The following TMEM9 variants were observed in gnomAD, a reference collection of about 807,000 sequenced individuals.
TMEM9 encodes transmembrane protein 9.
TMEM9 carries 13 observed loss-of-function variants against 22.8 expected under a neutral mutation model. That is an observed-to-expected ratio of 0.57 (90% confidence interval 0.37 to 0.91). The LOEUF is 0.91. Among genes scored for constraint, TMEM9 ranks in the 40% least tolerant of loss-of-function variants. The pLI is 0.01. For missense variants in TMEM9, 182 were observed against 238.1 expected, an observed-to-expected ratio of 0.76 and a Z score of 1.55; for synonymous variants, 88 against 93.0, an observed-to-expected ratio of 0.95 and a Z score of 0.31.
Position 201,143,668 on chromosome 1 carries a change from C to T in TMEM9, c.399+152G>A, listed in dbSNP as rs1048382891. The T allele has an allele frequency of 1.9e-5, 13 of 677,154 alleles. No individual in the cohort carries two copies. The East Asian group carries it at 3.1e-4, about 16-fold the overall frequency. 41.9% of individuals were successfully genotyped at this position (677,154 alleles called of 1,614,324 possible). ...TGGAAGGGCAAAGAGCAGGTCCCTGCTGAGTCTGGGTGATGTGTACGACAC... is the reference window on the plus strand; with the variant it reads ...TGGAAGGGCAAAGAGCAGGTCCCTGTTGAGTCTGGGTGATGTGTACGACAC... On this transcript the variant is annotated intron_variant, in intron 4 of 4. Coordinates refer to ENST00000367330, the MANE Select transcript of TMEM9 (RefSeq NM_001288565.2).
At position 201,170,043 on chromosome 1, in the gene TMEM9, G is replaced by T. The variant is rs148897308; in HGVS notation, c.-37+1447C>A. On this transcript the variant is annotated intron_variant, in intron 1 of 5. Coordinates refer to the TMEM9 transcript ENST00000367333. ...TTTAAGGAAAAAAAAAGAGTTTGTTGGAAAGAAGTGGGAAATTCATATAAT... is the reference window on the plus strand; with the variant it reads ...TTTAAGGAAAAAAAAAGAGTTTGTTTGAAAGAAGTGGGAAATTCATATAAT... 8.4e-4 allele frequency among the ~76,000 whole-genome samples: 128 copies of T among 152,274 alleles called. 2 individuals are homozygous for T. In the East Asian group the frequency reaches 0.018, roughly 21 times the overall value.
intron 1 of TMEM9, among the ~76,000 whole-genome samples, chr1:201,153,247 T>C (rs1252445921): frequency 2.0e-5 from 3 of 152,242 alleles, no homozygotes; most frequent in Non-Finnish European, 4.4e-5. Flanking sequence ...TAAGAAAATA[T>C]TTATCGGTAG....
Position 201,146,785 on chromosome 1 carries a change from C to T in TMEM9, c.222G>A (p.Leu74=). ...VPGHDVEAYC[L]LCECRYEERS... ...GCTCCTCGTACCTGCACTCGCACAG[C>T]AGGCAGTAGGCCTCCACGTCATGGC... Residue 74 remains leucine, a synonymous_variant, in exon 3 of 5, where the codon CTG becomes CTA. Transcript: ENST00000367330. The T allele has an allele frequency of 6.2e-7, 1 of 1,614,256 alleles. No individual in the cohort carries two copies. The highest frequency in any genetic ancestry group is 2.2e-5 in the East Asian group (1 of 44,890).
At chr1:201,147,345 C>A (rs1665060698) in intron 2 of TMEM9, among the ~76,000 whole-genome samples, 1 of 152,214 alleles carries the variant, frequency 6.6e-6, no homozygotes, top group Non-Finnish European at 1.5e-5. Flanking sequence ...TGCAAACTGG[C>A]TCCCCATTTG....
chr1:201,165,990 C>T (rs1242623983), intron 1 of TMEM9, among the ~76,000 whole-genome samples: 3 of 152,140 alleles, frequency 2.0e-5, no homozygotes, highest in Admixed American at 6.5e-5. Flanking sequence ...AATCTTTCTG[C>T]GACCGACTTA....
At chr1:201,136,845 C>T (rs1005772417) in intron 4 of TMEM9, among the ~76,000 whole-genome samples, 1 of 152,158 alleles carries the variant, frequency 6.6e-6, no homozygotes, top group African/African-American at 2.4e-5. Context: ...GATTAGTGCA[C>T]TTCTCTAAGC....
chr1:201,135,843 T>C (rs753805993), intron 4 of TMEM9, 28 bp from the exon 5 acceptor site: 5 of 1,562,340 alleles, frequency 3.2e-6, no homozygotes, highest in Admixed American at 3.8e-5. Context: ...AAAGAGAAGA[T>C]CTGGCACGGT....
chr1:201,137,571 T>C (rs535603745), intron 4 of TMEM9, among the ~76,000 whole-genome samples: 55 of 152,290 alleles, frequency 3.6e-4, no homozygotes, highest in African/African-American at 1.3e-3. Flanking sequence ...CTGATATTCT[T>C]TGCTCTGTTC....
chr1:201,149,989 C>T (rs12751045), intron 2 of TMEM9, among the ~76,000 whole-genome samples: 3 of 152,222 alleles, frequency 2.0e-5, no homozygotes, highest in African/African-American at 7.2e-5. Flanking sequence ...CAAGCAGCCC[C>T]TTAATTCTGA....
intron 1 of TMEM9, among the ~76,000 whole-genome samples, chr1:201,166,945 A>G (rs1448884781): frequency 6.6e-6 from 1 of 152,210 alleles, no homozygotes; most frequent in African/African-American, 2.4e-5. Flanking sequence ...CCTAACTGTA[A>G]AGTGAGAGCA....
At chr1:201,143,768 C>G in intron 4 of TMEM9, 52 bp downstream of exon 4, 1 of 1,602,548 alleles carries the variant, frequency 6.2e-7, no homozygotes. Flanking sequence ...GGGTTTTGCC[C>G]TGGGGACGCA....
rs545862895 is a variant in TMEM9 at position 201,167,910 on chromosome 1, G to A, written c.-37+3580C>T. On this transcript the variant is annotated intron_variant, in intron 1 of 5. Transcript: ENST00000367333. ...TCCCAGTTCCCCCAGAAAGCTCTTCGTGCCCTAGTTACTACCTTCACTGTG... is the reference window on the plus strand; with the variant it reads ...TCCCAGTTCCCCCAGAAAGCTCTTCATGCCCTAGTTACTACCTTCACTGTG... Among the ~76,000 whole-genome samples the A allele has an allele frequency of 5.9e-5, 9 of 152,212 alleles. No individual in the cohort carries two copies. In the South Asian group the frequency reaches 1.0e-3, roughly 18 times the overall value.
chr1:201,158,051 T>C (rs1665848576), upstream of TMEM9, among the ~76,000 whole-genome samples: 1 of 152,246 alleles, frequency 6.6e-6, no homozygotes, highest in South Asian at 2.1e-4. Context: ...AGGAACCTTT[T>C]CTGGCTGTGG....
At chr1:201,151,945 A>G (rs1572128003) in intron 1 of TMEM9, 93 bp from the exon 2 acceptor site, 2 of 932,994 alleles carry the variant, frequency 2.1e-6, no homozygotes, top group East Asian at 4.8e-5. Flanking sequence ...TCTGTTCCCC[A>G]TCCTGTTAGG....
intron 3 of TMEM9, chr1:201,146,516 C>T (rs896244131): frequency 9.4e-6 from 6 of 638,786 alleles, no homozygotes; most frequent in Non-Finnish European, 1.7e-5. Flanking sequence ...AGGGCTCTCC[C>T]CTCTCACTGT....
At chr1:201,158,797 C>G (rs895816863), upstream of TMEM9, among the ~76,000 whole-genome samples, 10 of 152,188 alleles carry the variant, frequency 6.6e-5, no homozygotes, top group African/African-American at 2.4e-4. Flanking sequence ...AACCCATACC[C>G]TCTAGTTCAT....
At chr1:201,163,459 G>T in intron 1 of TMEM9, among the ~76,000 whole-genome samples, 1 of 152,088 alleles carries the variant, frequency 6.6e-6, no homozygotes, top group East Asian at 1.9e-4. Context: ...GCATGGTGGC[G>T]TGTGCCTGTA....
In TMEM9 at chr1:201,153,932, G is replaced by T; in HGVS notation, c.-9C>A. 1 of 1,603,462 alleles carries T rather than the reference G, an allele frequency of 6.2e-7. No individual in the cohort carries two copies. The highest frequency in any genetic ancestry group is 8.5e-7 in the Non-Finnish European group (1 of 1,174,264). ...AAAGATAAGAGCTTCATGCTTATCA[G>T]GCTTGCTGGGCCAGCAAAGCCGGAC... On this transcript the variant is annotated 5_prime_UTR_variant, in exon 1 of 5. The change creates a new upstream start codon in the 5' untranslated region. Coordinates refer to ENST00000367330, the MANE Select transcript of TMEM9 (RefSeq NM_001288565.2).
chr1:201,149,083 T>A (rs1381811508), intron 2 of TMEM9, among the ~76,000 whole-genome samples: 1 of 152,188 alleles, frequency 6.6e-6, no homozygotes, highest in Non-Finnish European at 1.5e-5. Flanking sequence ...AAGGCCAAGG[T>A]GTCAGGGGCA....
Sources: allele counts gnomAD v4.1 joint callset (sites outside exome capture counted in the v4.1 genomes callset), GRCh38; gene constraint gnomAD v4.1.1; transcripts MANE v1.5; gene names NCBI Gene and HGNC (gene_info 2026-07-23, HGNC 2026-07-21).